Variants in GRID1 observed in about 807,000 individuals in gnomAD.
GRID1 encodes the protein glutamate ionotropic receptor delta type subunit 1.
GRID1 carries 28 observed loss-of-function variants against 98.0 expected under a neutral mutation model. The ratio of observed to expected loss-of-function variants is 0.29; its 90% CI spans 0.21 to 0.39. GRID1 has a LOEUF of 0.39. GRID1 is among the 10% of genes least tolerant of loss of function. GRID1 has a pLI of 1.00. For synonymous variants in GRID1, 553 were observed against 538.5 expected (o/e 1.03, Z -0.37); for missense variants, 1,111 against 1,340.5 (o/e 0.83, Z 2.67).
At chr10:86,275,263 T>TCAAA (rs1847251438) in intron 2 of GRID1, among the ~76,000 whole-genome samples, 1 of 151,960 alleles carries the variant, frequency 6.6e-6, no homozygotes, top group East Asian at 1.9e-4. Context: ...TATACACCCT[T>TCAAA]CAACAACTAA....
intron 8 of GRID1, among the ~76,000 whole-genome samples, chr10:85,836,554 C>T (rs372961534): frequency 6.6e-5 from 10 of 152,156 alleles, no homozygotes; most frequent in Admixed American, 1.3e-4. Context: ...TTGACCATCA[C>T]GGACACTTGA....
At chr10:85,901,505 C>T (rs943344042) in intron 5 of GRID1, among the ~76,000 whole-genome samples, 3 of 152,132 alleles carry the variant, frequency 2.0e-5, no homozygotes, top group Non-Finnish European at 1.5e-5. Flanking sequence ...GCCTTGGCCT[C>T]CCAAAGAAGA....
rs187618780 is a variant in GRID1 at position 86,100,264 on chromosome 10, C to T, written c.726+38555G>A. Among the ~76,000 whole-genome samples the T allele has an allele frequency of 1.0e-3, 158 of 152,308 alleles. 1 individual carries two copies. The highest frequency in any genetic ancestry group is 3.7e-4 in the Non-Finnish European group (25 of 68,022). Reference sequence around the variant, plus strand: ...CATGCAGGCTGTAGAATATAAGAGCCTCCAATTACCGAGCACTTCTTGTGT... The same window carrying T: ...CATGCAGGCTGTAGAATATAAGAGCTTCCAATTACCGAGCACTTCTTGTGT... On this transcript the variant is annotated intron_variant, in intron 4 of 15. Transcript: ENST00000327946.
rs561256099 is a variant in GRID1 at position 86,329,143 on chromosome 10, G to T, written c.235+34798C>A. On this transcript the variant is annotated intron_variant, in intron 2 of 15. Transcript: ENST00000327946. Reference sequence around the variant, plus strand: ...GCATTGCCTCCCACATGCAGGGACAGCTTCAGGGCATCCCTCCCGAGCCCT... The same window carrying T: ...GCATTGCCTCCCACATGCAGGGACATCTTCAGGGCATCCCTCCCGAGCCCT... Among the ~76,000 whole-genome samples the T allele has an allele frequency of 2.0e-5, 3 of 152,380 alleles. No individual in the cohort carries two copies. The South Asian group carries it at 6.2e-4, about 32-fold the overall frequency.
At chr10:86,026,629 A>G (rs1843120298) in intron 4 of GRID1, among the ~76,000 whole-genome samples, 2 of 152,236 alleles carry the variant, frequency 1.3e-5, no homozygotes, top group African/African-American at 2.4e-5. Context: ...TACTTAACAA[A>G]CACACACTCA....
At chr10:86,173,893 A>G (rs1845532898) in intron 3 of GRID1, among the ~76,000 whole-genome samples, 1 of 151,980 alleles carries the variant, frequency 6.6e-6, no homozygotes, top group Admixed American at 6.5e-5. Flanking sequence ...TGTCCCTACA[A>G]AGGACATGAA....
At chr10:86,055,991 G>C (rs1043577466) in intron 4 of GRID1, among the ~76,000 whole-genome samples, 4 of 152,206 alleles carry the variant, frequency 2.6e-5, no homozygotes, top group Non-Finnish European at 5.9e-5. Context: ...CCAGGCTATG[G>C]TATTTTGTTA....
At chr10:85,804,068 CAG>C (rs1272478857) in intron 8 of GRID1, among the ~76,000 whole-genome samples, 8 of 146,142 alleles carry the variant, frequency 5.5e-5, no homozygotes, top group Non-Finnish European at 1.2e-4. Flanking sequence ...TGAAAAAAAA[CAG>C]AAAATATATA....
At chr10:86,098,496 T>C (rs1383489972) in intron 4 of GRID1, among the ~76,000 whole-genome samples, 1 of 152,224 alleles carries the variant, frequency 6.6e-6, no homozygotes, top group Non-Finnish European at 1.5e-5. Context: ...TCAGCTGTTT[T>C]GAACAACTTC....
At chr10:86,178,983 T>C (rs1259542096) in intron 3 of GRID1, among the ~76,000 whole-genome samples, 1 of 152,000 alleles carries the variant, frequency 6.6e-6, no homozygotes, top group African/African-American at 2.4e-5. Context: ...CTCCTGGGGC[T>C]AATAGGAGAG....
chr10:86,322,384 A>G (rs923256400), intron 2 of GRID1, among the ~76,000 whole-genome samples: 6 of 152,214 alleles, frequency 3.9e-5, no homozygotes, highest in Admixed American at 3.9e-4. Context: ...CATGCAAAGT[A>G]GAATTATGTT....
At chr10:85,962,004 G>C (rs895426254) in intron 4 of GRID1, among the ~76,000 whole-genome samples, 1 of 152,216 alleles carries the variant, frequency 6.6e-6, no homozygotes, top group Non-Finnish European at 1.5e-5. Context: ...GAAGCAAAAA[G>C]AGCAGAAGGA....
chr10:85,874,430 A>T (rs887259227), intron 5 of GRID1, among the ~76,000 whole-genome samples: 11 of 152,122 alleles, frequency 7.2e-5, no homozygotes, highest in Admixed American at 2.0e-4. Flanking sequence ...AGCATTGTTA[A>T]ATTTTATTTT....
At position 85,953,674 on chromosome 10, in the gene GRID1, C is replaced by T. The variant is rs147770506; in HGVS notation, c.727-37435G>A. Among the ~76,000 whole-genome samples, 1,016 of 152,318 alleles carry T rather than the reference C, an allele frequency of 6.7e-3. 7 individuals are homozygous for T. Among genetic ancestry groups the T allele is most frequent in the Middle Eastern group, 0.031 (9 of 294 alleles). ...TGCAAACCCCTCTCTGCTGCTTCAG[C>T]CTATGAGGCGTTAAGTGCTTAACCA... is the stretch of plus-strand genomic sequence containing the variant. On this transcript the variant is annotated intron_variant, in intron 4 of 15. Coordinates refer to ENST00000327946, the MANE Select transcript of GRID1 (RefSeq NM_017551.3).
chr10:85,853,117 T>C (rs560600207), intron 8 of GRID1, among the ~76,000 whole-genome samples: 2 of 152,184 alleles, frequency 1.3e-5, no homozygotes, highest in South Asian at 2.1e-4. Context: ...GCTTGTCTTC[T>C]GCCCCATCTG....
At chr10:86,077,557 G>C (rs529698088) in intron 4 of GRID1, among the ~76,000 whole-genome samples, 17 of 152,296 alleles carry the variant, frequency 1.1e-4, no homozygotes, top group African/African-American at 3.6e-4. Flanking sequence ...ACGCAATCAT[G>C]CTATCTGCTA....
chr10:85,901,801 G>A (rs1841393022), intron 5 of GRID1, among the ~76,000 whole-genome samples: 1 of 152,144 alleles, frequency 6.6e-6, no homozygotes, highest in African/African-American at 2.4e-5. Context: ...CATCTGTGCA[G>A]CTGCAAACAC....
At position 86,206,762 on chromosome 10, in the gene GRID1, G is replaced by A. The variant is rs1846031781; in HGVS notation, c.236-114C>T. On this transcript the variant is annotated intron_variant, in intron 2 of 15. Coordinates refer to ENST00000327946, the MANE Select transcript of GRID1 (RefSeq NM_017551.3). This position sits in a 1 kb window ranked among gnomAD's most constrained non-coding sequence, Gnocchi z 4.1. ...ATGCCCAGGACTCCCAAGAGAGGCT[G>A]CCTCCCTCCAGGACCAAGAACCATC... is the stretch of plus-strand genomic sequence containing the variant. The A allele has an allele frequency of 1.0e-6, 1 of 984,272 alleles. No individual in the cohort carries two copies. Among genetic ancestry groups the A allele is most frequent in the Non-Finnish European group, 1.5e-6 (1 of 671,556 alleles). The allele number at this position is 984,272 out of a possible 1,614,324, so 61.0% of individuals were successfully genotyped here.
At chr10:86,062,030 G>A (rs1429786002) in intron 4 of GRID1, among the ~76,000 whole-genome samples, 2 of 152,182 alleles carry the variant, frequency 1.3e-5, no homozygotes, top group Admixed American at 6.5e-5. Flanking sequence ...AACAGGCTGA[G>A]CGACAATCCT....
Sources: allele counts gnomAD v4.1 joint callset (sites outside exome capture counted in the v4.1 genomes callset), GRCh38; gene constraint gnomAD v4.1.1; non-coding constraint Gnocchi (gnomAD v3.1); transcripts MANE v1.5; gene names NCBI Gene and HGNC (gene_info 2026-07-23, HGNC 2026-07-21).